Variants in TRMT11 observed in about 807,000 individuals in gnomAD.
TRMT11 encodes tRNA methyltransferase 11.
In TRMT11, 53 loss-of-function variants were observed where a neutral mutation model predicts 62.8. The observed-to-expected ratio is 0.84, with a 90% CI of 0.68 to 1.06. The LOEUF (loss-of-function observed/expected upper bound fraction) is 1.06. Among genes scored for constraint, TRMT11 ranks in the 50% least tolerant of loss-of-function variants. The pLI is 0.00. For missense variants in TRMT11, 556 were observed against 553.4 expected, an observed-to-expected ratio of 1.00 and a Z score of -0.05; for synonymous variants, 188 against 190.3, an observed-to-expected ratio of 0.99 and a Z score of 0.10.
At chr6:126,091,041 CTCTACT>C (rs1214369775) in intron 17 of TRMT11, among the ~76,000 whole-genome samples, 1 of 152,092 alleles carries the variant, frequency 6.6e-6, no homozygotes, top group Non-Finnish European at 1.5e-5. Flanking sequence ...GAAACCCAGT[CTCTACT>C]AAAAATACAA....
intron 16 of TRMT11, among the ~76,000 whole-genome samples, chr6:126,051,118 A>G (rs1027075214): frequency 2.0e-5 from 3 of 152,182 alleles, no homozygotes; most frequent in African/African-American, 7.2e-5. Flanking sequence ...TGGGTTTAAT[A>G]ACTGTATTGT....
chr6:126,190,896 A>G (rs1172655535), intron 1 of TRMT11, among the ~76,000 whole-genome samples: 3 of 152,202 alleles, frequency 2.0e-5, no homozygotes, highest in Admixed American at 6.5e-5. Flanking sequence ...TAGTGCTGCA[A>G]TAGACACAGG....
the TRMT11 span, among the ~76,000 whole-genome samples, chr6:126,258,660 G>T: frequency 3.3e-5 from 5 of 152,102 alleles, no homozygotes; most frequent in Non-Finnish European, 7.4e-5. Context: ...AAATTTGTTG[G>T]AGTATAGTTG....
intron 16 of TRMT11, among the ~76,000 whole-genome samples, chr6:126,048,481 A>C (rs1776122545): frequency 2.0e-5 from 3 of 152,192 alleles, no homozygotes; most frequent in African/African-American, 7.2e-5. Flanking sequence ...AACAGTGGAA[A>C]CAAATTGTGG....
intron 17 of TRMT11, among the ~76,000 whole-genome samples, chr6:126,055,069 A>G (rs935954983): frequency 1.3e-5 from 2 of 152,088 alleles, no homozygotes; most frequent in African/African-American, 4.8e-5. Context: ...GGTTTAAGCA[A>G]TCCTCCCGCC....
At chr6:126,016,945 A>G (rs1795074565) in intron 11 of TRMT11, among the ~76,000 whole-genome samples, 1 of 152,184 alleles carries the variant, frequency 6.6e-6, no homozygotes, top group African/African-American at 2.4e-5. Flanking sequence ...TGCTAGAAAC[A>G]TGAACTGTTT....
chr6:125,998,556 G>T lies in TRMT11; in HGVS notation c.394G>T (p.Glu132Ter). The T allele has an allele frequency of 1.2e-6, 2 of 1,611,444 alleles. No homozygotes were observed. The highest frequency in any genetic ancestry group is 2.2e-5 in the South Asian group (2 of 90,524). ...EEKIKRIDAL[E>*]FLPFEGKVNL... ...TTTCTTTTGTTTCTTTTAGGCACTTGAATTTCTGCCATTTGAAGGAAAAGT... is the reference window on the plus strand; with the variant it reads ...TTTCTTTTGTTTCTTTTAGGCACTTTAATTTCTGCCATTTGAAGGAAAAGT... The change falls in exon 6 of 13, where the codon GAA (glutamate) becomes TAA (stop). Residue 132 changes from glutamate (E) to a stop codon, truncating the protein, a stop_gained. Coordinates refer to ENST00000334379, the MANE Select transcript of TRMT11 (RefSeq NM_001031712.3). LOFTEE classifies it high-confidence loss of function.
chr6:126,027,993 T>C (rs1773509860), intron 12 of TRMT11, among the ~76,000 whole-genome samples: 1 of 152,192 alleles, frequency 6.6e-6, no homozygotes, highest in African/African-American at 2.4e-5. Context: ...ATTAGAATGA[T>C]AGTAGTGTTG....
chr6:126,226,269 T>G, the TRMT11 span, among the ~76,000 whole-genome samples: 1 of 152,232 alleles, frequency 6.6e-6, no homozygotes, highest in Non-Finnish European at 1.5e-5. Context: ...AAACTCGTAA[T>G]TTTGACTGAT....
chr6:126,219,013 A>G, the TRMT11 span, among the ~76,000 whole-genome samples: 2 of 152,032 alleles, frequency 1.3e-5, no homozygotes, highest in African/African-American at 4.8e-5. Flanking sequence ...AAGTCCCACA[A>G]TTGTTATGCT....
chr6:126,111,845 A>T (rs759703501), intron 17 of TRMT11, among the ~76,000 whole-genome samples: 11 of 152,102 alleles, frequency 7.2e-5, no homozygotes, highest in Non-Finnish European at 1.3e-4. Context: ...CTTCTCTGTA[A>T]GTAACTTCTC....
the TRMT11 span, among the ~76,000 whole-genome samples, chr6:126,227,144 T>C: frequency 6.6e-6 from 1 of 152,222 alleles, no homozygotes; most frequent in African/African-American, 2.4e-5. Context: ...CAATAGATAT[T>C]GATTTTTAAT....
the TRMT11 span, among the ~76,000 whole-genome samples, chr6:126,229,581 A>G: frequency 6.6e-6 from 1 of 152,238 alleles, no homozygotes; most frequent in African/African-American, 2.4e-5. Context: ...AAAACAGCCA[A>G]TCCTTGAAGT....
chr6:126,128,856 C>A (rs1352694490), intron 21 of TRMT11, among the ~76,000 whole-genome samples: 1 of 151,472 alleles, frequency 6.6e-6, no homozygotes, highest in Non-Finnish European at 1.5e-5. Context: ...CCTGATTACT[C>A]TGAACACGTA....
In TRMT11 at chr6:126,085,565, C is replaced by G. The variant is rs995591739; in HGVS notation, c.*1438-27301C>G. On this transcript the variant is annotated intron_variant and NMD_transcript_variant, in intron 17 of 22. Transcript: ENST00000648977. ...GGCCCTGATCGTGCCTTAATGTCTT[C>G]CATGTACTCATGAAGACCTGCAGTG... Among the ~76,000 whole-genome samples, 3 of 152,134 alleles carry G rather than the reference C, an allele frequency of 2.0e-5. No homozygotes were observed. In the East Asian group the frequency reaches 5.8e-4, roughly 29 times the overall value.
the TRMT11 span, among the ~76,000 whole-genome samples, chr6:126,254,875 TAAA>T: frequency 6.6e-6 from 1 of 151,012 alleles, no homozygotes; most frequent in East Asian, 1.9e-4. Context: ...TCAAAAAACA[TAAA>T]AAAAAACACC....
At chr6:126,244,385 T>C in the TRMT11 span, among the ~76,000 whole-genome samples, 1 of 152,196 alleles carries the variant, frequency 6.6e-6, no homozygotes, top group African/African-American at 2.4e-5. Context: ...TCAATAAGTC[T>C]CTTCTCTCTC....
At chr6:126,063,879 G>A (rs1338734536) in intron 17 of TRMT11, among the ~76,000 whole-genome samples, 1 of 152,182 alleles carries the variant, frequency 6.6e-6, no homozygotes, top group African/African-American at 2.4e-5. Flanking sequence ...CATCAGAGTG[G>A]GACTGGGGTC....
At chr6:126,050,998 G>A (rs1776200779) in intron 16 of TRMT11, among the ~76,000 whole-genome samples, 1 of 152,182 alleles carries the variant, frequency 6.6e-6, no homozygotes, top group African/African-American at 2.4e-5. Context: ...GAGATACAGG[G>A]GGCCCTATGG....
Sources: gnomAD v4.1 joint callset for allele counts (sites outside exome capture counted in the v4.1 genomes callset) on GRCh38, gnomAD v4.1.1 for gene constraint, MANE v1.5 for transcripts, NCBI Gene and HGNC (gene_info 2026-07-23, HGNC 2026-07-21) for gene names.